Variants in RIMS2 observed in about 807,000 individuals in gnomAD.
RIMS2 encodes regulating synaptic membrane exocytosis 2.
In RIMS2, 59 loss-of-function variants were observed where a neutral mutation model predicts 174.4. The ratio of observed to expected loss-of-function variants is 0.34; its 90% CI spans 0.27 to 0.42. RIMS2 has a LOEUF of 0.42. Ranked by LOEUF, RIMS2 falls within the 10% of genes least tolerant of loss-of-function variation. RIMS2 has a pLI of 1.00. For synonymous variants in RIMS2, 606 were observed against 572.5 expected, an observed-to-expected ratio of 1.06 and a Z score of -0.84; for missense variants, 1,620 against 1,666.3, an observed-to-expected ratio of 0.97 and a Z score of 0.48.
chr8:103,786,219 C>A (rs2098442416), intron 3 of RIMS2, among the ~76,000 whole-genome samples: 1 of 152,066 alleles, frequency 6.6e-6, no homozygotes, highest in South Asian at 2.1e-4. Flanking sequence ...TTCAAAAAAC[C>A]AGCTCCTGGA....
At chr8:103,932,922 C>T (rs937868287) in intron 12 of RIMS2, among the ~76,000 whole-genome samples, 2 of 151,594 alleles carry the variant, frequency 1.3e-5, no homozygotes, top group African/African-American at 4.9e-5. Flanking sequence ...TTTGGGAGGC[C>T]GAGGCGGGTG....
At chr8:104,139,696 A>G (rs917420229) in intron 19 of RIMS2, among the ~76,000 whole-genome samples, 4 of 152,170 alleles carry the variant, frequency 2.6e-5, no homozygotes, top group African/African-American at 7.2e-5. Context: ...ATAAAATCCT[A>G]TCATCTGCAA....
At chr8:104,090,173 A>C (rs980330282) in intron 19 of RIMS2, among the ~76,000 whole-genome samples, 1 of 151,706 alleles carries the variant, frequency 6.6e-6, no homozygotes, top group African/African-American at 2.4e-5. Flanking sequence ...AAGGCATAAA[A>C]CCTTTACACT....
chr8:104,207,684 G>A (rs2099086863), intron 19 of RIMS2, among the ~76,000 whole-genome samples: 1 of 151,840 alleles, frequency 6.6e-6, no homozygotes, highest in Non-Finnish European at 1.5e-5. Flanking sequence ...CTGGTGGCAG[G>A]CATCTGTAAC....
chr8:103,876,864 T>TTTTATATATATATATATATATA (rs1378279723), intron 3 of RIMS2, among the ~76,000 whole-genome samples: 2 of 68,106 alleles, frequency 2.9e-5, no homozygotes, highest in African/African-American at 4.7e-5. Flanking sequence ...ACACACTATT[T>TTTTATATATATATATATATATA]TATATATATA....
chr8:104,187,400 A>T (rs1374525), intron 19 of RIMS2, among the ~76,000 whole-genome samples: 1 of 151,592 alleles, frequency 6.6e-6, no homozygotes, highest in South Asian at 2.1e-4. Context: ...TGTGACAGGC[A>T]AGTAGTGTCC....
chr8:103,547,771 A>G (rs192316807), intron 1 of RIMS2, among the ~76,000 whole-genome samples: 2 of 152,236 alleles, frequency 1.3e-5, no homozygotes, highest in East Asian at 3.9e-4. Flanking sequence ...AGCTAAGTTA[A>G]TAAAGGGAAA....
chr8:104,006,119 A>G (rs1172210885), intron 17 of RIMS2, among the ~76,000 whole-genome samples: 1 of 151,984 alleles, frequency 6.6e-6, no homozygotes, highest in Non-Finnish European at 1.5e-5. Flanking sequence ...ACTAAGTTCT[A>G]TTTACATTTC....
intron 19 of RIMS2, among the ~76,000 whole-genome samples, chr8:104,028,201 A>G (rs1256754745): frequency 6.6e-6 from 1 of 151,328 alleles, no homozygotes; most frequent in Non-Finnish European, 1.5e-5. Context: ...TCTTTAAATT[A>G]TAGTGTTCAG....
intron 20 of RIMS2, 113 bp downstream of exon 26, chr8:104,245,170 A>T: frequency 9.6e-7 from 1 of 1,038,780 alleles, no homozygotes; most frequent in Non-Finnish European, 1.4e-6. Context: ...TTTAATTTTC[A>T]CTGGCTGATT....
At chr8:103,700,041 C>T (rs1180882220) in intron 2 of RIMS2, among the ~76,000 whole-genome samples, 1 of 152,064 alleles carries the variant, frequency 6.6e-6, no homozygotes, top group East Asian at 1.9e-4. Context: ...CATGCATATT[C>T]TTCTGTTTTT....
intron 16 of RIMS2, chr8:103,976,158 T>C (rs2093403463): frequency 6.6e-6 from 1 of 152,216 alleles, no homozygotes; most frequent in African/African-American, 2.4e-5. Flanking sequence ...ATATCGGTAA[T>C]AATCTCTAAA....
At chr8:104,132,474 A>T (rs2098481079) in intron 19 of RIMS2, among the ~76,000 whole-genome samples, 1 of 152,228 alleles carries the variant, frequency 6.6e-6, no homozygotes. Flanking sequence ...GCTAATATTT[A>T]AAAGCATGGA....
chr8:103,857,867 G>A (rs748555734), intron 3 of RIMS2, among the ~76,000 whole-genome samples: 4 of 152,128 alleles, frequency 2.6e-5, no homozygotes, highest in Non-Finnish European at 4.4e-5. Flanking sequence ...TTTCATTGTA[G>A]CTTCAGGTAG....
intron 1 of RIMS2, among the ~76,000 whole-genome samples, chr8:103,598,402 G>T (rs532131752): frequency 1.3e-5 from 2 of 152,134 alleles, no homozygotes; most frequent in East Asian, 3.9e-4. Context: ...TGCATTGAAA[G>T]ATGTCAAGAT....
chr8:103,939,622 G>A (rs566210011), intron 13 of RIMS2, among the ~76,000 whole-genome samples: 1 of 152,338 alleles, frequency 6.6e-6, no homozygotes, highest in East Asian at 1.9e-4. Flanking sequence ...CAGCTGGCTT[G>A]AATTTTTCCT....
At chr8:103,967,929 C>T (rs2154547036) in intron 15 of RIMS2, among the ~76,000 whole-genome samples, 1 of 148,212 alleles carries the variant, frequency 6.7e-6, no homozygotes, top group South Asian at 2.2e-4. Context: ...GGCACAATCT[C>T]AGCTCACTGC....
At chr8:104,074,130 G>A (rs1336524891) in intron 19 of RIMS2, among the ~76,000 whole-genome samples, 2 of 152,178 alleles carry the variant, frequency 1.3e-5, no homozygotes, top group African/African-American at 4.8e-5. Context: ...AATGAGGGGA[G>A]AAAAGTTGAG....
At chr8:104,119,778 A>T (rs1437779203) in intron 19 of RIMS2, among the ~76,000 whole-genome samples, 1 of 152,222 alleles carries the variant, frequency 6.6e-6, no homozygotes, top group Non-Finnish European at 1.5e-5. Flanking sequence ...CTTGCCTATC[A>T]TATTGCTGCA....
Sources: allele counts gnomAD v4.1 joint callset (sites outside exome capture counted in the v4.1 genomes callset), GRCh38; gene constraint gnomAD v4.1.1; transcripts MANE v1.5; gene names NCBI Gene and HGNC (gene_info 2026-07-23, HGNC 2026-07-21).